ST3GAL3: variants seen among roughly 807,000 people sequenced by gnomAD.
The protein encoded by ST3GAL3 is CMP-N-acetylneuraminate-beta-1,4-galactoside alpha-2,3-sialyltransferase.
Under a neutral mutation model 50.1 loss-of-function variants are expected in ST3GAL3, and 21 were observed. The observed-to-expected ratio is 0.42, with a 90% CI of 0.30 to 0.60. The LOEUF (loss-of-function observed/expected upper bound fraction) is 0.60, where lower values mean the gene tolerates loss of function less well. ST3GAL3 is among the 20% of genes least tolerant of loss of function. The pLI is 0.19. For missense variants in ST3GAL3, 353 were observed against 489.4 expected (o/e 0.72, Z 2.63); for synonymous variants, 183 against 190.0 (o/e 0.96, Z 0.30).
In ST3GAL3 at chr1:43,733,884, G is replaced by A. The variant is rs149774908; in HGVS notation, c.-30-2349G>A. ...TAATCCCAGCACTTTGGGAGGCCGA[G>A]GTGGGTGGATCACGAGGTCAGGAGG... On this transcript the variant is annotated intron_variant, in intron 1 of 11. Transcript: ENST00000347631. Among the ~76,000 whole-genome samples, 1,449 of 152,370 alleles carry A rather than the reference G, an allele frequency of 9.5e-3. 27 individuals are homozygous for A. The highest frequency in any genetic ancestry group is 0.034 in the African/African-American group (1,411 of 41,588).
chr1:43,795,449 C>T lies in ST3GAL3; in HGVS notation c.166+3300C>T, dbSNP rs770465961. ...CCTAGTTCTGCCTTATTCATGCTCT[C>T]ATGGAATATTTGCAAGAGGCCAATA... On this transcript the variant is annotated intron_variant, in intron 3 of 11. Transcript: ENST00000347631. Among the ~76,000 whole-genome samples, 3 of 152,320 alleles carry T rather than the reference C, an allele frequency of 2.0e-5. No homozygotes were observed. The South Asian group carries it at 6.2e-4, about 32-fold the overall frequency.
At chr1:43,850,480 G>T in intron 5 of ST3GAL3, 1 of 612,430 alleles carries the variant, frequency 1.6e-6, no homozygotes, top group Non-Finnish European at 3.1e-6. Context: ...TGGATAAAGT[G>T]GGCTACCTTT....
intron 3 of ST3GAL3, among the ~76,000 whole-genome samples, chr1:43,804,697 G>A (rs758649374): frequency 1.4e-4 from 22 of 152,310 alleles, no homozygotes; most frequent in Non-Finnish European, 2.2e-4. Flanking sequence ...AGTTAGTTGC[G>A]CCTAAGAAGA....
At chr1:43,917,605 A>ATATATTATATAT (rs1428556127) in intron 9 of ST3GAL3, among the ~76,000 whole-genome samples, 1 of 70,766 alleles carries the variant, frequency 1.4e-5, no homozygotes, top group African/African-American at 6.3e-5. Flanking sequence ...TATATATATT[A>ATATATTATATAT]TATATTATAT....
At chr1:43,844,477 T>C (rs1281368092) in intron 5 of ST3GAL3, among the ~76,000 whole-genome samples, 1 of 152,012 alleles carries the variant, frequency 6.6e-6, no homozygotes, top group African/African-American at 2.4e-5. Flanking sequence ...ATTACAAAGG[T>C]CTTAAGAGCT....
chr1:43,842,146 T>TATCC (rs2065485870), intron 5 of ST3GAL3: 1 of 152,226 alleles, frequency 6.6e-6, no homozygotes, highest in Non-Finnish European at 1.5e-5. Flanking sequence ...TCATTGGCCA[T>TATCC]ATCCCTATCA....
chr1:43,760,482 G>A (rs374221578), intron 2 of ST3GAL3, among the ~76,000 whole-genome samples: 7 of 152,242 alleles, frequency 4.6e-5, no homozygotes, highest in Non-Finnish European at 8.8e-5. Flanking sequence ...CAGGCCAGGC[G>A]CAGTGGCTCA....
chr1:43,846,765 C>G (rs2066323262), intron 5 of ST3GAL3, among the ~76,000 whole-genome samples: 2 of 152,272 alleles, frequency 1.3e-5, no homozygotes, highest in East Asian at 1.9e-4. Context: ...TCCCAAAGTG[C>G]TGGGATTACA....
chr1:43,721,404 A>T (rs923776010), intron 1 of ST3GAL3, among the ~76,000 whole-genome samples: 10 of 150,584 alleles, frequency 6.6e-5, no homozygotes, highest in Non-Finnish European at 1.5e-4. Context: ...TCCCAGGTTC[A>T]AGCAATTCTC....
intron 5 of ST3GAL3, chr1:43,858,452 T>C: frequency 5.9e-6 from 4 of 673,084 alleles, no homozygotes; most frequent in Non-Finnish European, 8.3e-6. Context: ...GCTGGCTGCA[T>C]TCCTGTGGTA....
chr1:43,773,249 C>T (rs1231540616), intron 2 of ST3GAL3, among the ~76,000 whole-genome samples: 2 of 152,104 alleles, frequency 1.3e-5, no homozygotes, highest in East Asian at 1.9e-4. Flanking sequence ...GATTTTGGCT[C>T]CTGATTGACA....
At chr1:43,718,531 A>AT (rs1440994351) in intron 1 of ST3GAL3, among the ~76,000 whole-genome samples, 3 of 146,802 alleles carry the variant, frequency 2.0e-5, no homozygotes, top group Non-Finnish European at 3.0e-5. Context: ...GTTTTTTTTT[A>AT]TTTTTTAAAT....
chr1:43,811,590 C>T (rs1416610118), intron 3 of ST3GAL3, among the ~76,000 whole-genome samples: 3 of 152,196 alleles, frequency 2.0e-5, no homozygotes, highest in Non-Finnish European at 4.4e-5. Flanking sequence ...GGACCTGAAA[C>T]GAGCCCACAA....
At chr1:43,768,706 T>C (rs960106398) in intron 2 of ST3GAL3, among the ~76,000 whole-genome samples, 5 of 152,196 alleles carry the variant, frequency 3.3e-5, no homozygotes, top group Non-Finnish European at 7.3e-5. Context: ...CAAGACATCA[T>C]GGAAAACCTT....
At chr1:43,898,331 C>A (rs367590386) in intron 7 of ST3GAL3, 33 bp downstream of exon 7, 40 of 1,609,956 alleles carry the variant, frequency 2.5e-5, no homozygotes, top group East Asian at 1.1e-4. Flanking sequence ...TCCTACCCAC[C>A]GCTGCCTGGT....
chr1:43,811,256 C>A (rs972904902), intron 3 of ST3GAL3, among the ~76,000 whole-genome samples: 1 of 152,172 alleles, frequency 6.6e-6, no homozygotes, highest in Non-Finnish European at 1.5e-5. Flanking sequence ...CTTTCCTCTT[C>A]CCTCCTCTCC....
chr1:43,900,115 C>A (rs543571119), intron 9 of ST3GAL3, among the ~76,000 whole-genome samples: 1 of 152,152 alleles, frequency 6.6e-6, no homozygotes, highest in Admixed American at 6.5e-5. Flanking sequence ...CCTGCCCTGA[C>A]CTTGTAGCTG....
At chr1:43,880,113 T>C (rs1037886755) in intron 5 of ST3GAL3, among the ~76,000 whole-genome samples, 2 of 152,202 alleles carry the variant, frequency 1.3e-5, no homozygotes, top group Non-Finnish European at 2.9e-5. Flanking sequence ...TGCTCCTGTC[T>C]CTTGCAGCCC....
chr1:43,765,757 G>C (rs974446257), intron 2 of ST3GAL3, among the ~76,000 whole-genome samples: 1 of 75,802 alleles, frequency 1.3e-5, no homozygotes, highest in East Asian at 5.1e-4. Flanking sequence ...GTGTGTCTGT[G>C]TGTGTGTGTG....
Sources: gnomAD v4.1 joint callset for allele counts (sites outside exome capture counted in the v4.1 genomes callset) on GRCh38, gnomAD v4.1.1 for gene constraint, MANE v1.5 for transcripts, NCBI Gene and HGNC (gene_info 2026-07-23, HGNC 2026-07-21) for gene names.